Variants in ARHGAP15 observed in about 807,000 individuals in gnomAD.
ARHGAP15 encodes the protein rho GTPase-activating protein 15.
ARHGAP15 carries 51 observed loss-of-function variants against 63.7 expected under a neutral mutation model. That is an observed-to-expected ratio of 0.80 (90% CI 0.64 to 1.01). ARHGAP15 has a LOEUF of 1.01. Among genes scored for constraint, ARHGAP15 ranks in the 50% least tolerant of loss-of-function variants. ARHGAP15 has a pLI of 0.00. For missense variants in ARHGAP15, 560 were observed against 564.6 expected, an observed-to-expected ratio of 0.99 and a Z score of 0.08; for synonymous variants, 191 against 193.8, an observed-to-expected ratio of 0.99 and a Z score of 0.12.
chr2:143,275,905 A>G (rs1056062843), intron 6 of ARHGAP15, among the ~76,000 whole-genome samples: 1 of 152,112 alleles, frequency 6.6e-6, no homozygotes, highest in Non-Finnish European at 1.5e-5. Flanking sequence ...CTCTTCCAAG[A>G]CCCTGGCTAT....
chr2:143,259,865 C>A (rs1483992191), intron 6 of ARHGAP15, among the ~76,000 whole-genome samples: 1 of 152,120 alleles, frequency 6.6e-6, no homozygotes, highest in African/African-American at 2.4e-5. Flanking sequence ...TATCGACATT[C>A]ATTTCTGTTG....
chr2:143,350,451 A>G (rs1249325957), intron 6 of ARHGAP15, among the ~76,000 whole-genome samples: 1 of 152,144 alleles, frequency 6.6e-6, no homozygotes, highest in Non-Finnish European at 1.5e-5. Context: ...ATCAAAGAAA[A>G]GTTGGAAACT....
At chr2:143,357,621 A>G (rs934467096) in intron 6 of ARHGAP15, among the ~76,000 whole-genome samples, 1 of 152,226 alleles carries the variant, frequency 6.6e-6, no homozygotes, top group Admixed American at 6.5e-5. Context: ...GTAAAATGTT[A>G]AAGTACAAGC....
chr2:143,632,231 A>G (rs184056668), intron 12 of ARHGAP15, among the ~76,000 whole-genome samples: 155 of 152,190 alleles, frequency 1.0e-3, no homozygotes, highest in Non-Finnish European at 1.7e-3. Flanking sequence ...AATGCAATCA[A>G]TGCTAACTCC....
At chr2:143,252,867 A>G (rs1173802681) in intron 6 of ARHGAP15, among the ~76,000 whole-genome samples, 2 of 152,062 alleles carry the variant, frequency 1.3e-5, no homozygotes, top group African/African-American at 4.8e-5. Flanking sequence ...ATTTGATTAG[A>G]TACATTAGCT....
intron 4 of ARHGAP15, among the ~76,000 whole-genome samples, chr2:143,225,177 G>A (rs752729665): frequency 2.0e-5 from 3 of 151,996 alleles, no homozygotes; most frequent in East Asian, 1.9e-4. Flanking sequence ...TTTTTATTCC[G>A]CACTGGGCTT....
At chr2:143,617,568 T>A (rs1370331935) in intron 11 of ARHGAP15, among the ~76,000 whole-genome samples, 1 of 152,214 alleles carries the variant, frequency 6.6e-6, no homozygotes, top group Non-Finnish European at 1.5e-5. Context: ...GGGACCCACA[T>A]GACCTCATTT....
chr2:143,696,512 T>G (rs1221741418), intron 12 of ARHGAP15, among the ~76,000 whole-genome samples: 1 of 152,084 alleles, frequency 6.6e-6, no homozygotes, highest in Non-Finnish European at 1.5e-5. Flanking sequence ...GAGCATGCTG[T>G]ACATGGTCTA....
At chr2:143,350,137 G>C (rs1685488920) in intron 6 of ARHGAP15, among the ~76,000 whole-genome samples, 1 of 152,100 alleles carries the variant, frequency 6.6e-6, no homozygotes, top group South Asian at 2.1e-4. Context: ...TCACAAAACA[G>C]ATTTTTGGAC....
chr2:143,446,150 T>A (rs1002488541), intron 8 of ARHGAP15, among the ~76,000 whole-genome samples: 2 of 148,628 alleles, frequency 1.3e-5, no homozygotes, highest in Non-Finnish European at 3.0e-5. Flanking sequence ...TAATATATAT[T>A]TTATATAATT....
intron 8 of ARHGAP15, among the ~76,000 whole-genome samples, chr2:143,453,104 C>T (rs1385070751): frequency 1.3e-5 from 2 of 151,882 alleles, no homozygotes; most frequent in African/African-American, 4.8e-5. Context: ...TCCTGTCAAC[C>T]CTATGCAGCT....
chr2:143,713,595 A>G (rs1252091340), intron 13 of ARHGAP15, among the ~76,000 whole-genome samples: 1 of 152,192 alleles, frequency 6.6e-6, no homozygotes, highest in East Asian at 1.9e-4. Context: ...ATCTGAGACA[A>G]GGCACGTCAC....
intron 11 of ARHGAP15, among the ~76,000 whole-genome samples, chr2:143,582,024 G>C (rs1186697188): frequency 6.6e-6 from 1 of 152,172 alleles, no homozygotes; most frequent in Non-Finnish European, 1.5e-5. Flanking sequence ...AAGAGTGTTT[G>C]CTTCTGCAGG....
At chr2:143,166,745 T>C (rs549923419) in intron 2 of ARHGAP15, among the ~76,000 whole-genome samples, 1 of 152,252 alleles carries the variant, frequency 6.6e-6, no homozygotes, top group East Asian at 1.9e-4. Flanking sequence ...AAGCTTTGAT[T>C]TTTTAAAACT....
chr2:143,254,561 T>C (rs1443120776), intron 6 of ARHGAP15, among the ~76,000 whole-genome samples: 3 of 152,156 alleles, frequency 2.0e-5, no homozygotes, highest in African/African-American at 4.8e-5. Flanking sequence ...GGCTATCAAA[T>C]AGACAACTGA....
chr2:143,405,160 T>C (rs1025479027), intron 6 of ARHGAP15, among the ~76,000 whole-genome samples: 3 of 151,954 alleles, frequency 2.0e-5, no homozygotes, highest in Non-Finnish European at 2.9e-5. Flanking sequence ...TCTATATCAA[T>C]TTAATGTGTG....
intron 11 of ARHGAP15, among the ~76,000 whole-genome samples, chr2:143,612,309 A>G (rs1374970082): frequency 4.6e-5 from 7 of 152,150 alleles, no homozygotes; most frequent in African/African-American, 7.2e-5. Context: ...CACCTGGAGG[A>G]CTTGTTAAAT....
At chr2:143,176,581 G>C (rs548008750) in intron 2 of ARHGAP15, among the ~76,000 whole-genome samples, 1 of 152,082 alleles carries the variant, frequency 6.6e-6, no homozygotes, top group Non-Finnish European at 1.5e-5. Flanking sequence ...ATAAGACTAA[G>C]AATAATCATG....
chr2:143,218,130 T>C (rs2105147678), intron 4 of ARHGAP15, among the ~76,000 whole-genome samples: 1 of 152,328 alleles, frequency 6.6e-6, no homozygotes, highest in East Asian at 1.9e-4. Flanking sequence ...ATTGTGTTTT[T>C]GTTTTATTTG....
Sources: allele counts gnomAD v4.1 joint callset (sites outside exome capture counted in the v4.1 genomes callset), GRCh38; gene constraint gnomAD v4.1.1; transcripts MANE v1.5; gene names NCBI Gene and HGNC (gene_info 2026-07-23, HGNC 2026-07-21).